SYNPO: variants seen among roughly 807,000 people sequenced by gnomAD.
SYNPO encodes the protein synaptopodin.
A neutral mutation model predicts 49.5 loss-of-function variants in SYNPO; 19 were observed. The ratio of observed to expected loss-of-function variants is 0.38; its 90% CI spans 0.27 to 0.56. The LOEUF is 0.56. SYNPO is among the 20% of genes least tolerant of loss of function. The pLI is 0.68. For missense variants in SYNPO, 1,131 were observed against 1,248.3 expected, an observed-to-expected ratio of 0.91 and a Z score of 1.42; for synonymous variants, 536 against 548.0, an observed-to-expected ratio of 0.98 and a Z score of 0.31.
the SYNPO span, among the ~76,000 whole-genome samples, chr5:150,586,140 G>T: frequency 6.6e-6 from 1 of 152,238 alleles, no homozygotes; most frequent in East Asian, 1.9e-4. Context: ...CCAGGCAGAG[G>T]CTCCCCTCGG....
At chr5:150,602,067 C>T (rs1756558335) in intron 1 of SYNPO, among the ~76,000 whole-genome samples, 1 of 152,214 alleles carries the variant, frequency 6.6e-6, no homozygotes, top group African/African-American at 2.4e-5. Context: ...GCCATCCAGA[C>T]TCATCGGGGG....
chr5:150,639,643 G>C (rs1412580394), upstream of SYNPO, among the ~76,000 whole-genome samples: 1 of 152,168 alleles, frequency 6.6e-6, no homozygotes, highest in African/African-American at 2.4e-5. Context: ...TACAAAATGG[G>C]GATAAGGGAA....
At chr5:150,604,173 A>G (rs1032812307) in intron 1 of SYNPO, among the ~76,000 whole-genome samples, 4 of 152,226 alleles carry the variant, frequency 2.6e-5, no homozygotes, top group African/African-American at 9.6e-5. Context: ...CCAAGGGCAA[A>G]CAGAGATCTG....
At chr5:150,623,413 T>C (rs994363839) in intron 2 of SYNPO, among the ~76,000 whole-genome samples, 1 of 152,114 alleles carries the variant, frequency 6.6e-6, no homozygotes, top group African/African-American at 2.4e-5. Flanking sequence ...CACACACAGC[T>C]TCCTGGTTTC....
chr5:150,628,547 T>C (rs900846540), intron 2 of SYNPO, among the ~76,000 whole-genome samples: 3 of 152,176 alleles, frequency 2.0e-5, no homozygotes, highest in Non-Finnish European at 4.4e-5. Flanking sequence ...TTCTGAAAAT[T>C]AAATGAGATG....
At chr5:150,593,810 G>A in the SYNPO span, among the ~76,000 whole-genome samples, 1 of 152,230 alleles carries the variant, frequency 6.6e-6, no homozygotes, top group Non-Finnish European at 1.5e-5. Flanking sequence ...TGGTTGGCCA[G>A]TGCTGGCTGG....
At chr5:150,609,854 A>G (rs1756800561) in intron 1 of SYNPO, among the ~76,000 whole-genome samples, 1 of 151,340 alleles carries the variant, frequency 6.6e-6, no homozygotes, top group Non-Finnish European at 1.5e-5. Flanking sequence ...CCATCTGCTG[A>G]CTGCGTAGCC....
At chr5:150,644,630 C>T (rs1286478103) in intron 1 of SYNPO, among the ~76,000 whole-genome samples, 1 of 152,196 alleles carries the variant, frequency 6.6e-6, no homozygotes, top group East Asian at 1.9e-4. Context: ...GTTAAGGAGA[C>T]TGTGGCTCTG....
Position 150,648,251 on chromosome 5 carries a change from C to G in SYNPO, c.-25C>G, listed in dbSNP as rs376126437. 1.2e-6 allele frequency: 2 copies of G among 1,613,858 alleles called. No homozygotes were observed. The highest frequency in any genetic ancestry group is 1.7e-6 in the Non-Finnish European group (2 of 1,179,910). ...CACGGCACCCCAGTCCCCAGAGCCC[C>G]GACAGAGGGGTCCCTGGCCACAGCA... On this transcript the variant is annotated 5_prime_UTR_variant, in exon 2 of 3. Transcript: ENST00000307662. The surrounding 1 kb of genome is among the most constrained non-coding windows in gnomAD (Gnocchi z 5.0).
chr5:150,593,548 GC>G, the SYNPO span, among the ~76,000 whole-genome samples: 173 of 152,118 alleles, frequency 1.1e-3, 1 homozygote, highest in African/African-American at 3.6e-3. Context: ...TGCAACCTCT[GC>G]CTCCCACACT....
At chr5:150,594,032 G>C in the SYNPO span, among the ~76,000 whole-genome samples, 6,359 of 152,280 alleles carry the variant, frequency 0.042, 440 homozygotes, top group African/African-American at 0.14. Flanking sequence ...TGTCCCTGCT[G>C]GGTGGAGGGG....
At chr5:150,638,659 T>C (rs908481922), upstream of SYNPO, among the ~76,000 whole-genome samples, 2 of 152,170 alleles carry the variant, frequency 1.3e-5, no homozygotes, top group Non-Finnish European at 2.9e-5. Flanking sequence ...GACCACATCT[T>C]TGTGGCGGGC....
At chr5:150,601,061 C>T (rs552135038), upstream of SYNPO, 11 of 152,294 alleles carry the variant, frequency 7.2e-5, no homozygotes, top group Admixed American at 1.3e-4. Flanking sequence ...CCTCCCATCC[C>T]GCTCAGCCTG....
At chr5:150,654,900 C>T (rs1016584707) in intron 2 of SYNPO, among the ~76,000 whole-genome samples, 3 of 151,952 alleles carry the variant, frequency 2.0e-5, no homozygotes, top group African/African-American at 7.2e-5. Flanking sequence ...CTGAGGCGGG[C>T]GGATCACCTG....
At chr5:150,639,382 G>A (rs1381933534), upstream of SYNPO, among the ~76,000 whole-genome samples, 2 of 152,232 alleles carry the variant, frequency 1.3e-5, no homozygotes, top group Non-Finnish European at 2.9e-5. Flanking sequence ...CCTGCTCTGG[G>A]GCCTCTGGGC....
Position 150,649,971 on chromosome 5 carries a change from C to T in SYNPO, c.1696C>T (p.Gln566Ter). 1 of 1,612,984 alleles carries T rather than the reference C, an allele frequency of 6.2e-7. No individual in the cohort carries two copies. The stretch of plus-strand genomic sequence containing the variant: ...AGAGCCCACCAAGCAGCCGCCATAC[C>T]AGCTGCGCCCCTCGCTCTTTGTCCT... ...RPEPTKQPPY[Q>*]LRPSLFVLSP... Residue 566 changes from glutamine (Q) to a stop codon, truncating the protein, a stop_gained, in exon 2 of 3, where the codon CAG becomes TAG. Coordinates refer to ENST00000307662, the MANE Select transcript of SYNPO (RefSeq NM_007286.6). LOFTEE classifies it high-confidence loss of function.
chr5:150,642,264 C>T (rs948468297), intron 1 of SYNPO, among the ~76,000 whole-genome samples: 3 of 152,200 alleles, frequency 2.0e-5, no homozygotes, highest in African/African-American at 7.2e-5. Context: ...CCCTGTTGGA[C>T]CCAGGTCTCC....
intron 1 of SYNPO, among the ~76,000 whole-genome samples, chr5:150,644,803 C>T (rs1037363381): frequency 3.3e-5 from 5 of 152,204 alleles, no homozygotes; most frequent in African/African-American, 1.2e-4. Context: ...CCCTTAGGCT[C>T]CTCCCAGGGG....
In SYNPO at chr5:150,657,398, GCACA is replaced by G; in HGVS notation, c.*317_*320del. ...CCTTCCCATCAGTACACACACCGAT[GCACA>G]CACACTCTCTCTTTCTCTCTCTCTC... On this transcript the variant is annotated 3_prime_UTR_variant, in exon 3 of 3. Transcript: ENST00000307662. 1 of 329,590 alleles carries G rather than the reference GCACA, an allele frequency of 3.0e-6. No homozygotes were observed. Among genetic ancestry groups the G allele is most frequent in the Non-Finnish European group, 5.7e-6 (1 of 175,280 alleles). 20.4% of individuals were successfully genotyped at this position (329,590 alleles called of 1,614,324 possible). A position where few individuals can be genotyped will look rare whatever the true frequency, so the allele number is the denominator to read the frequency against.
Sources: gnomAD v4.1 joint callset for allele counts (sites outside exome capture counted in the v4.1 genomes callset) on GRCh38, gnomAD v4.1.1 for gene constraint, Gnocchi (gnomAD v3.1) non-coding constraint, MANE v1.5 for transcripts, NCBI Gene and HGNC (gene_info 2026-07-23, HGNC 2026-07-21) for gene names.